Variants in ZNF616 observed in about 807,000 individuals in gnomAD.
The protein encoded by ZNF616 is zinc finger protein 616.
Under a neutral mutation model 7.6 loss-of-function variants are expected in ZNF616, and 5 were observed. That is an observed-to-expected ratio of 0.66 (90% CI 0.34 to 1.38). The LOEUF (loss-of-function observed/expected upper bound fraction) is 1.38. Among genes scored for constraint, ZNF616 ranks in the 40% most tolerant of loss-of-function variants. The pLI, the probability that ZNF616 is intolerant of heterozygous loss-of-function variation, is 0.04. For synonymous variants in ZNF616, 319 were observed against 317.2 expected, an observed-to-expected ratio of 1.01 and a Z score of -0.06; for missense variants, 913 against 948.3, an observed-to-expected ratio of 0.96 and a Z score of 0.49.
At chr19:52,124,158 T>G in intron 2 of ZNF616, 109 bp from the exon 3 acceptor site, 1 of 1,379,568 alleles carries the variant, frequency 7.2e-7, no homozygotes, top group Non-Finnish European at 9.8e-7. Context: ...TTGACATATC[T>G]ATATGGCATC....
chr19:52,127,499 C>T (rs2088920160), intron 2 of ZNF616, among the ~76,000 whole-genome samples: 1 of 152,114 alleles, frequency 6.6e-6, no homozygotes, highest in African/African-American at 2.4e-5. Flanking sequence ...CAAATATAAT[C>T]TACAACAAGA....
intron 3 of ZNF616, chr19:52,122,278 G>A (rs1424310603): frequency 6.6e-6 from 1 of 152,114 alleles, no homozygotes; most frequent in Non-Finnish European, 1.5e-5. Flanking sequence ...CTGAGGTCGG[G>A]AGTTCAAGAT....
At chr19:52,127,567 T>C (rs111901607) in intron 2 of ZNF616, among the ~76,000 whole-genome samples, 9 of 152,244 alleles carry the variant, frequency 5.9e-5, no homozygotes, top group African/African-American at 1.7e-4. Flanking sequence ...AACAAAATAT[T>C]AGATCTTAAA....
chr19:52,132,786 C>T (rs987876032), intron 1 of ZNF616, among the ~76,000 whole-genome samples: 3 of 152,152 alleles, frequency 2.0e-5, no homozygotes, highest in South Asian at 2.1e-4. Flanking sequence ...ATAAATTACT[C>T]GGTCTCTGGA....
intron 1 of ZNF616, among the ~76,000 whole-genome samples, chr19:52,137,975 ACT>A (rs1443525742): frequency 6.6e-6 from 1 of 152,010 alleles, no homozygotes; most frequent in East Asian, 1.9e-4. Flanking sequence ...AAAAACCAAC[ACT>A]CTCAACTCTC....
In ZNF616 at chr19:52,115,018, T is replaced by C. The variant is rs762215541; in HGVS notation, c.2146A>G (p.Arg716Gly). Reference sequence around the variant, plus strand: ...TTGCCACATTCAATACATTTGTATCTTTTCTCTCCAGTGTGGATTCTCTGG... The same window carrying C: ...TTGCCACATTCAATACATTTGTATCCTTTCTCTCCAGTGTGGATTCTCTGG... ...SHQRIHTGEK[R>G]YKCIECGKAF... The change falls in exon 4 of 4, where the codon AGA becomes GGA. Residue 716 changes from arginine to glycine, a missense_variant. Arg to Gly is a moderately radical substitution (Grantham distance 125). Transcript: ENST00000600228. 5 of 1,614,036 alleles carry C rather than the reference T, an allele frequency of 3.1e-6. No individual in the cohort carries two copies. The highest frequency in any genetic ancestry group is 4.2e-6 in the Non-Finnish European group (5 of 1,179,988).
chr19:52,130,539 TCCTCTTCTG>T lies in ZNF616; in HGVS notation c.-36_-28del. On this transcript the variant is annotated 5_prime_UTR_variant, in exon 2 of 4. Coordinates refer to ENST00000600228, the MANE Select transcript of ZNF616 (RefSeq NM_178523.5). The stretch of plus-strand genomic sequence containing the variant: ...ACTGACTCCTTTTCCTTCCTCTTCT[TCCTCTTCTG>T]GGTTTCTTTCTCAGTCAATGTAATT... The T allele has an allele frequency of 6.2e-7, 1 of 1,603,374 alleles. No homozygotes were observed. The highest frequency in any genetic ancestry group is 8.5e-7 in the Non-Finnish European group (1 of 1,176,052).
At chr19:52,130,057 G>T (rs1303881304) in intron 2 of ZNF616, among the ~76,000 whole-genome samples, 2 of 152,210 alleles carry the variant, frequency 1.3e-5, no homozygotes, top group Non-Finnish European at 2.9e-5. Context: ...ACAGGCATGA[G>T]ACACGGCGCC....
intron 1 of ZNF616, among the ~76,000 whole-genome samples, chr19:52,133,952 A>G (rs2088985546): frequency 6.6e-6 from 1 of 151,714 alleles, no homozygotes; most frequent in Non-Finnish European, 1.5e-5. Context: ...TTTACCTCCC[A>G]CTTATGAGTG....
intron 3 of ZNF616, among the ~76,000 whole-genome samples, chr19:52,121,427 T>C (rs1174076240): frequency 6.6e-6 from 1 of 152,178 alleles, no homozygotes; most frequent in Non-Finnish European, 1.5e-5. Context: ...ACAGCCAATA[T>C]GTCAAATTGG....
At position 52,113,581 on chromosome 19, in the gene ZNF616, G is replaced by C. The variant is rs909418362; in HGVS notation, c.*1237C>G. The C allele has an allele frequency of 6.6e-6, 1 of 152,150 alleles. No homozygotes were observed. Among genetic ancestry groups the C allele is most frequent in the Non-Finnish European group, 1.5e-5 (1 of 68,018 alleles). 9.4% of individuals were successfully genotyped at this position (152,150 alleles called of 1,614,324 possible). On this transcript the variant is annotated 3_prime_UTR_variant, in exon 4 of 4. Transcript: ENST00000600228. ...CTGGTATTAAGGCAAAAATGCATTA[G>C]CTATTTGTCCTGATGCTCCACTTCC... is the stretch of plus-strand genomic sequence containing the variant.
chr19:52,125,883 A>C (rs562716187), intron 2 of ZNF616, among the ~76,000 whole-genome samples: 14 of 152,308 alleles, frequency 9.2e-5, no homozygotes, highest in Non-Finnish European at 1.5e-5. Flanking sequence ...GTGAAGATCT[A>C]GTACCACAGA....
In ZNF616 at chr19:52,116,497, G is replaced by A; in HGVS notation, c.667C>T (p.His223Tyr). ...YKCNECGKAF[H>Y]RASLLTVHKV... Reference sequence around the variant, plus strand: ...TGTACAGTTAGTAGTGAGGCCCGATGAAAGGCTTTGCCACACTCATTGCAT... The same window carrying A: ...TGTACAGTTAGTAGTGAGGCCCGATAAAAGGCTTTGCCACACTCATTGCAT... Residue 223 changes from histidine (H) to tyrosine (Y), a missense_variant, in exon 4 of 4, where the codon CAT becomes TAT. His to Tyr is a moderately conservative substitution (Grantham distance 83). Coordinates refer to ENST00000600228, the MANE Select transcript of ZNF616 (RefSeq NM_178523.5). The A allele has an allele frequency of 6.2e-7, 1 of 1,613,626 alleles. No homozygotes were observed. Among genetic ancestry groups the A allele is most frequent in the Non-Finnish European group, 8.5e-7 (1 of 1,179,872 alleles).
Position 52,127,247 on chromosome 19 carries a change from G to T in ZNF616, c.13-3198C>A, listed in dbSNP as rs142710128. Among the ~76,000 whole-genome samples, 542 of 152,192 alleles carry T rather than the reference G, an allele frequency of 3.6e-3. 1 individual carries two copies. The highest frequency in any genetic ancestry group is 0.012 in the African/African-American group (507 of 41,512). On this transcript the variant is annotated intron_variant, in intron 2 of 3. Coordinates refer to ENST00000600228, the MANE Select transcript of ZNF616 (RefSeq NM_178523.5). ...TATTTGTATTTTCAGTAGAGACAGG[G>T]TTTCACCATGTTGGCCAGGCTGGTC...
chr19:52,120,042 G>C (rs2088854235), intron 3 of ZNF616, among the ~76,000 whole-genome samples: 1 of 152,164 alleles, frequency 6.6e-6, no homozygotes, highest in South Asian at 2.1e-4. Context: ...ATGTTAAGGA[G>C]ACTTGGGATG....
intron 3 of ZNF616, among the ~76,000 whole-genome samples, chr19:52,121,396 G>A (rs112943742): frequency 0.029 from 4,480 of 152,236 alleles, 103 homozygotes; most frequent in South Asian, 0.048. Flanking sequence ...CAAAAAATAT[G>A]TGGAAACAAC....
chr19:52,135,410 C>T (rs952801916), intron 1 of ZNF616, among the ~76,000 whole-genome samples: 3 of 152,212 alleles, frequency 2.0e-5, no homozygotes, highest in Non-Finnish European at 2.9e-5. Flanking sequence ...TGAGACCCAA[C>T]ATCTTCCAAG....
chr19:52,130,359 G>A (rs1337186496), intron 2 of ZNF616, 142 bp downstream of exon 2: 1 of 883,014 alleles, frequency 1.1e-6, no homozygotes, highest in Non-Finnish European at 1.9e-6. Context: ...GGAAAAGCAT[G>A]GATGAGCATG....
chr19:52,119,764 G>T (rs1281726999), intron 3 of ZNF616, among the ~76,000 whole-genome samples: 1 of 152,180 alleles, frequency 6.6e-6, no homozygotes, highest in Non-Finnish European at 1.5e-5. Context: ...AGGGAAAACA[G>T]TTAAAAAGGA....
Sources: gnomAD v4.1 joint callset for allele counts (sites outside exome capture counted in the v4.1 genomes callset) on GRCh38, gnomAD v4.1.1 for gene constraint, MANE v1.5 for transcripts, NCBI Gene and HGNC (gene_info 2026-07-23, HGNC 2026-07-21) for gene names.